The following MEF2C variants were observed in gnomAD, a reference collection of about 807,000 sequenced individuals.
MEF2C encodes myocyte-specific enhancer factor 2C.
In MEF2C, 6 loss-of-function variants were observed where a neutral mutation model predicts 50.5. That is an observed-to-expected ratio of 0.12 (90% CI 0.07 to 0.23). The LOEUF is 0.23. Among genes scored for constraint, MEF2C ranks in the 10% least tolerant of loss-of-function variants. MEF2C has a pLI of 1.00. For synonymous variants in MEF2C, 183 were observed against 228.0 expected (o/e 0.80, Z 1.78); for missense variants, 276 against 605.0 (o/e 0.46, Z 5.70).
At chr5:88,752,617 C>G (rs1773357088) in intron 4 of MEF2C, 1 of 985,142 alleles carries the variant, frequency 1.0e-6, no homozygotes, top group Non-Finnish European at 1.2e-6. Flanking sequence ...ATGTATCATT[C>G]AATAATTCAC....
chr5:88,809,638 G>A (rs1801965015), intron 2 of MEF2C, among the ~76,000 whole-genome samples: 1 of 152,056 alleles, frequency 6.6e-6, no homozygotes, highest in Non-Finnish European at 1.5e-5. Flanking sequence ...TTTATTTAGA[G>A]TTGGGTGAAT....
At chr5:88,822,505 T>C (rs1474047717) in intron 2 of MEF2C, among the ~76,000 whole-genome samples, 1 of 152,004 alleles carries the variant, frequency 6.6e-6, no homozygotes, top group Non-Finnish European at 1.5e-5. Flanking sequence ...AAGTTGTGTG[T>C]ACCTGAAAAT....
At chr5:88,766,323 C>T (rs183211780) in intron 3 of MEF2C, among the ~76,000 whole-genome samples, 2 of 152,094 alleles carry the variant, frequency 1.3e-5, no homozygotes, top group African/African-American at 4.8e-5. Flanking sequence ...TTAGGCATTA[C>T]GTTATCAACT....
chr5:88,872,790 A>G (rs1422211420), intron 1 of MEF2C, among the ~76,000 whole-genome samples: 1 of 151,966 alleles, frequency 6.6e-6, no homozygotes, highest in Non-Finnish European at 1.5e-5. Context: ...CACCTGCCTA[A>G]AACCACTAAT....
upstream of MEF2C, among the ~76,000 whole-genome samples, chr5:88,884,919 A>G (rs1299150610): frequency 1.3e-5 from 2 of 152,220 alleles, no homozygotes; most frequent in Non-Finnish European, 2.9e-5. Context: ...ATCAACTAGT[A>G]TAGAATCATG....
At chr5:88,826,243 A>G (rs986652593) in intron 1 of MEF2C, among the ~76,000 whole-genome samples, 6 of 152,040 alleles carry the variant, frequency 3.9e-5, no homozygotes, top group Non-Finnish European at 7.4e-5. Context: ...TGTATATATA[A>G]GTGGTTGATA....
intron 2 of MEF2C, among the ~76,000 whole-genome samples, chr5:88,822,661 A>T (rs1350814226): frequency 2.0e-5 from 3 of 152,014 alleles, no homozygotes; most frequent in Non-Finnish European, 4.4e-5. Context: ...AAAATGAATC[A>T]ATCAGTTCTA....
At chr5:88,737,479 G>T (rs1764605452) in intron 6 of MEF2C, 1 of 985,276 alleles carries the variant, frequency 1.0e-6, no homozygotes, top group African/African-American at 1.7e-5. Flanking sequence ...TGAAGTCTCT[G>T]ATATTTTCTT....
intron 4 of MEF2C, among the ~76,000 whole-genome samples, chr5:88,759,030 G>A (rs984391032): frequency 6.6e-6 from 1 of 152,206 alleles, no homozygotes; most frequent in Non-Finnish European, 1.5e-5. Flanking sequence ...CAGCAGTACT[G>A]CATACATCTG....
chr5:88,834,363 C>T (rs1043495839), intron 1 of MEF2C, among the ~76,000 whole-genome samples: 3 of 151,982 alleles, frequency 2.0e-5, no homozygotes, highest in African/African-American at 7.3e-5. Context: ...TACCATGAGC[C>T]AAAATCATGA....
chr5:88,736,794 C>T, intron 6 of MEF2C: 1 of 985,420 alleles, frequency 1.0e-6, no homozygotes, highest in Admixed American at 6.1e-5. Context: ...CACACTCTAT[C>T]TATGAAACCT....
At chr5:88,903,091 A>G (rs1835825754) in intron 1 of MEF2C, among the ~76,000 whole-genome samples, 1 of 152,000 alleles carries the variant, frequency 6.6e-6, no homozygotes, top group South Asian at 2.1e-4. Flanking sequence ...ATGTGGTCTC[A>G]TTTTTTCATG....
chr5:88,780,345 T>C (rs1173908865), intron 3 of MEF2C, among the ~76,000 whole-genome samples: 1 of 152,208 alleles, frequency 6.6e-6, no homozygotes, highest in Non-Finnish European at 1.5e-5. Flanking sequence ...AAATTTGTTG[T>C]ACCTCCTATC....
rs1169605093 is a variant in MEF2C, at chr5:88,797,454, C to CTTTTTTTTTTT, written c.258+7143_258+7144insAAAAAAAAAAA. 4.8e-4 allele frequency among the ~76,000 whole-genome samples: 12 copies of CTTTTTTTTTTT among 25,242 alleles called. 4 individuals are homozygous for CTTTTTTTTTTT. The highest frequency in any genetic ancestry group is 1.8e-3 in the East Asian group (2 of 1,094). 16.6% of individuals were successfully genotyped at this position (25,242 alleles called of 152,430 possible). On this transcript the variant is annotated intron_variant, in intron 3 of 10. Coordinates refer to ENST00000504921, the MANE Select transcript of MEF2C (RefSeq NM_002397.5). ...TCACAGACTAGGATTGCAACCCTTG[C>CTTTTTTTTTTT]CTTTTTTTTTTTTTTTTTTTTTTTT...
chr5:88,831,142 CTA>C (rs1387109882), intron 1 of MEF2C, among the ~76,000 whole-genome samples: 2 of 152,056 alleles, frequency 1.3e-5, no homozygotes, highest in African/African-American at 4.8e-5. Context: ...TGGAAATACT[CTA>C]AAAATATTTT....
intron 3 of MEF2C, chr5:88,782,105 A>G (rs1788399467): frequency 2.1e-6 from 2 of 960,722 alleles, no homozygotes; most frequent in Non-Finnish European, 2.5e-6. Context: ...CTACTTCATT[A>G]GGAACTTCTA....
At chr5:88,891,308 T>C (rs573126976) in intron 1 of MEF2C, among the ~76,000 whole-genome samples, 3 of 152,222 alleles carry the variant, frequency 2.0e-5, no homozygotes, top group South Asian at 4.1e-4. Context: ...GCATAATCTT[T>C]CTCAAATTTG....
chr5:88,885,594 T>C (rs1833977953), upstream of MEF2C, among the ~76,000 whole-genome samples: 1 of 152,186 alleles, frequency 6.6e-6, no homozygotes, highest in Non-Finnish European at 1.5e-5. Flanking sequence ...AGGTTTCCAT[T>C]CAAAGTACAA....
chr5:88,757,915 C>CAAAAAAT (rs1346529567), intron 4 of MEF2C, among the ~76,000 whole-genome samples: 1 of 151,758 alleles, frequency 6.6e-6, no homozygotes, highest in Non-Finnish European at 1.5e-5. Flanking sequence ...GACCCCGTCT[C>CAAAAAAT]AAAAAATAAA....
Sources: gnomAD v4.1 joint callset for allele counts (sites outside exome capture counted in the v4.1 genomes callset) on GRCh38, gnomAD v4.1.1 for gene constraint, MANE v1.5 for transcripts, NCBI Gene and HGNC (gene_info 2026-07-23, HGNC 2026-07-21) for gene names.